Variants in NAAA observed in about 807,000 individuals in gnomAD.
NAAA encodes the protein N-acylethanolamine-hydrolyzing acid amidase.
NAAA carries 39 observed loss-of-function variants against 44.8 expected under a neutral mutation model. The ratio of observed to expected loss-of-function variants is 0.87; its 90% CI spans 0.67 to 1.14. The LOEUF (loss-of-function observed/expected upper bound fraction) is 1.14. Ranked by LOEUF, NAAA falls within the 50% of genes most tolerant of loss-of-function variation. NAAA has a pLI of 0.00. For synonymous variants in NAAA, 178 were observed against 191.3 expected, an observed-to-expected ratio of 0.93 and a Z score of 0.58; for missense variants, 460 against 467.8, an observed-to-expected ratio of 0.98 and a Z score of 0.15.
chr4:75,914,821 A>G, intron 10 of NAAA, 47 bp downstream of exon 10: 1 of 1,403,440 alleles, frequency 7.1e-7, no homozygotes, highest in Non-Finnish European at 1.0e-6. Flanking sequence ...AAGAAATACC[A>G]GCACACACCC....
Position 75,925,787 on chromosome 4 carries a change from G to A in NAAA, c.614C>T (p.Ala205Val), listed in dbSNP as rs373481408. Residue 205 changes from alanine to valine, a missense_variant, in exon 5 of 11, where the codon GCT becomes GTT. Transcript: ENST00000286733. ...ERDKGWWWEN[A>V]IAALFRRHIP... is the part of the protein sequence containing the mutation. ...GTGTCTCCGAAACAGGGCAGCGATAGCATTCTCCCACCACCAGCCTTTATC... is the reference window on the plus strand; with the variant it reads ...GTGTCTCCGAAACAGGGCAGCGATAACATTCTCCCACCACCAGCCTTTATC... 1 of 1,614,118 alleles carries A rather than the reference G, an allele frequency of 6.2e-7. No individual in the cohort carries two copies. Among genetic ancestry groups the A allele is most frequent in the Non-Finnish European group, 8.5e-7 (1 of 1,180,022 alleles).
At chr4:75,919,998 T>C in intron 7 of NAAA, 23 bp from the exon 8 acceptor site, 1 of 1,605,328 alleles carries the variant, frequency 6.2e-7, no homozygotes, top group Non-Finnish European at 8.5e-7. Flanking sequence ...AGGTCGAAGG[T>C]CACTTGGCAT....
intron 3 of NAAA, among the ~76,000 whole-genome samples, chr4:75,933,588 A>G (rs1228441288): frequency 6.6e-6 from 1 of 152,222 alleles, no homozygotes; most frequent in Non-Finnish European, 1.5e-5. Flanking sequence ...CGTAGTTTTC[A>G]ATTACGATAC....
downstream of NAAA, among the ~76,000 whole-genome samples, chr4:75,911,190 G>A (rs541001566): frequency 2.6e-5 from 4 of 152,282 alleles, no homozygotes; most frequent in South Asian, 8.3e-4. Context: ...AAATCACAAT[G>A]GTGAAATGTC....
In NAAA at chr4:75,914,925, G is replaced by A. The variant is rs1725508236; in HGVS notation, c.1059C>T (p.Ile353=). Reference sequence around the variant, plus strand: ...TGACTTACTTTCTACTCGGGTTTCTGATCCTAGTCATGTACTTGTCTGGGC... The same window carrying A: ...TGACTTACTTTCTACTCGGGTTTCTAATCCTAGTCATGTACTTGTCTGGGC... ...AGSPDKYMTR[I]RNPSRK Residue 353 remains isoleucine, a synonymous_variant, in exon 10 of 11, where the codon ATC becomes ATT. Coordinates refer to ENST00000286733, the MANE Select transcript of NAAA (RefSeq NM_014435.4). 2 of 1,613,944 alleles carry A rather than the reference G, an allele frequency of 1.2e-6. No individual in the cohort carries two copies. Among genetic ancestry groups the A allele is most frequent in the African/African-American group, 2.7e-5 (2 of 74,902 alleles).
In NAAA at chr4:75,940,109, T is replaced by C; in HGVS notation, c.263A>G (p.Glu88Gly). ...GGTGAAGGGCTGGGGCAGGAAGCGC[T>C]CCAGCTCCAGGACCACTTTTCCGAT... ...VLIGKVVLEL[E>G]RFLPQPFTGE... The change falls in exon 2 of 11, where the codon GAG becomes GGG. Residue 88 changes from glutamate to glycine, a missense_variant. Coordinates refer to ENST00000286733, the MANE Select transcript of NAAA (RefSeq NM_014435.4). 1 of 1,614,088 alleles carries C rather than the reference T, an allele frequency of 6.2e-7. No individual in the cohort carries two copies. Among genetic ancestry groups the C allele is most frequent in the Non-Finnish European group, 8.5e-7 (1 of 1,180,020 alleles).
Position 75,940,750 on chromosome 4 carries a change from AC to A in NAAA, c.199del (p.Val67SerfsTer13). 6.3e-7 allele frequency: 1 copy of A among 1,596,172 alleles called. No individual in the cohort carries two copies. Among genetic ancestry groups the A allele is most frequent in the Non-Finnish European group, 8.5e-7 (1 of 1,178,010 alleles). On this transcript the variant is annotated frameshift_variant, in exon 1 of 11. Transcript: ENST00000286733. LOFTEE classifies it high-confidence loss of function. ...GTCCAGGGCCCCAGCTCACCCGATG[AC>A]TTGCGCCATCGCGGCGCGCACCAAG... ...LDLVRAAMAQVIGDRVPKWVH... is the reference protein window; with the variant it reads ...LDLVRAAMAQXIGDRVPKWVH...
At chr4:75,926,641 G>A (rs997598693) in intron 4 of NAAA, among the ~76,000 whole-genome samples, 1 of 149,962 alleles carries the variant, frequency 6.7e-6, no homozygotes, top group South Asian at 2.1e-4. Context: ...GCATTAATAA[G>A]AGATTAATAT....
chr4:75,936,669 G>GT (rs911439891), intron 2 of NAAA, among the ~76,000 whole-genome samples: 4 of 152,192 alleles, frequency 2.6e-5, no homozygotes, highest in Non-Finnish European at 5.9e-5. Context: ...AGCAAATAAA[G>GT]TAACACTAAA....
At position 75,914,757 on chromosome 4, in the gene NAAA, C is replaced by T. The variant is rs140523767; in HGVS notation, c.*36+111G>A. ...CTGACACAAATGACAATGCCAGATG[C>T]TTGTCAGAAAATATTATATATGTAT... On this transcript the variant is annotated intron_variant, in intron 10 of 10. Coordinates refer to ENST00000286733, the MANE Select transcript of NAAA (RefSeq NM_014435.4). The T allele has an allele frequency of 6.8e-4, 441 of 650,864 alleles. 2 individuals are homozygous for T. The African/African-American group carries it at 7.1e-3, about 10-fold the overall frequency. The allele number at this position is 650,864 out of a possible 1,614,324, so 40.3% of individuals were successfully genotyped here. A position where few individuals can be genotyped will look rare whatever the true frequency, so the allele number is the denominator to read the frequency against.
At chr4:75,926,740 C>T (rs1023735355) in intron 4 of NAAA, among the ~76,000 whole-genome samples, 4 of 152,120 alleles carry the variant, frequency 2.6e-5, no homozygotes, top group East Asian at 1.9e-4. Flanking sequence ...TGTGCTGGCT[C>T]AAGCCTGTAA....
chr4:75,929,330 C>T (rs1560512305), intron 4 of NAAA, among the ~76,000 whole-genome samples: 1 of 152,068 alleles, frequency 6.6e-6, no homozygotes, highest in Admixed American at 6.6e-5. Context: ...CCATAATGTC[C>T]AGAGACTTAA....
At chr4:75,939,955 G>A (rs1261883651) in intron 2 of NAAA, 46 bp downstream of exon 2, 12 of 1,604,434 alleles carry the variant, frequency 7.5e-6, no homozygotes, top group Non-Finnish European at 8.5e-6. Context: ...TGTGTCGGGG[G>A]CCCCCGCAAG....
Position 75,940,889 on chromosome 4 carries a change from CCAG to C in NAAA, c.58_60del (p.Leu20del), listed in dbSNP as rs770997827. 853 of 1,521,746 alleles carry C rather than the reference CCAG, an allele frequency of 5.6e-4. No individual in the cohort carries two copies. Among genetic ancestry groups the C allele is most frequent in the Admixed American group, 2.5e-3 (129 of 52,404 alleles). The allele number at this position is 1,521,746 out of a possible 1,614,324, so 94.3% of individuals were successfully genotyped here. A position where few individuals can be genotyped will look rare whatever the true frequency, so the allele number is the denominator to read the frequency against. Reference sequence around the variant, plus strand: ...GAGGCGGCTGACAGCCCGGCCCCGGCCAGCAGCAGCAGCAGCAGGGACGGAAGC... The same window carrying C: ...GAGGCGGCTGACAGCCCGGCCCCGGCCAGCAGCAGCAGCAGGGACGGAAGC... On this transcript the variant is annotated inframe_deletion, in exon 1 of 11. Transcript: ENST00000286733.
At chr4:75,910,862 GC>G (rs1159682855), downstream of NAAA, among the ~76,000 whole-genome samples, 1 of 152,184 alleles carries the variant, frequency 6.6e-6, no homozygotes, top group Non-Finnish European at 1.5e-5. Flanking sequence ...GAGCAATAAA[GC>G]TTTTTAATCA....
Position 75,914,903 on chromosome 4 carries a change from C to T in NAAA, c.*1G>A, listed in dbSNP as rs1378466271. Reference sequence around the variant, plus strand: ...ACGGGCGAACTCGCTCTTCTGCTGACTTACTTTCTACTCGGGTTTCTGATC... The same window carrying T: ...ACGGGCGAACTCGCTCTTCTGCTGATTTACTTTCTACTCGGGTTTCTGATC... On this transcript the variant is annotated 3_prime_UTR_variant, in exon 10 of 11. Coordinates refer to ENST00000286733, the MANE Select transcript of NAAA (RefSeq NM_014435.4). 1.9e-6 allele frequency: 3 copies of T among 1,613,980 alleles called. No individual in the cohort carries two copies. The highest frequency in any genetic ancestry group is 2.7e-5 in the African/African-American group (2 of 74,924).
chr4:75,930,804 C>A (rs1727163054), intron 4 of NAAA, among the ~76,000 whole-genome samples: 1 of 152,184 alleles, frequency 6.6e-6, no homozygotes, highest in Non-Finnish European at 1.5e-5. Context: ...TACTCCCATG[C>A]CATAACCACA....
At chr4:75,940,251 C>A in intron 1 of NAAA, 86 bp from the exon 2 acceptor site, 1 of 1,460,194 alleles carries the variant, frequency 6.8e-7, no homozygotes, top group East Asian at 2.4e-5. Context: ...GGGCTACATC[C>A]TTAGGGCGTG....
Position 75,927,633 on chromosome 4 carries a change from GCCCCC to G in NAAA, c.590-1827_590-1823del, listed in dbSNP as rs60371960. Among the ~76,000 whole-genome samples, 376 of 95,810 alleles carry G rather than the reference GCCCCC, an allele frequency of 3.9e-3. 7 individuals are homozygous for G. The highest frequency in any genetic ancestry group is 0.011 in the African/African-American group (287 of 25,016). 62.9% of individuals were successfully genotyped at this position (95,810 alleles called of 152,430 possible). ...AAAAAATTAAAAAAAAATTTTTAAT[GCCCCC>G]CCCCCCCCCGCCAAAAAAAATAGCT... On this transcript the variant is annotated intron_variant, in intron 4 of 10. Transcript: ENST00000286733.
Sources: allele counts gnomAD v4.1 joint callset (sites outside exome capture counted in the v4.1 genomes callset), GRCh38; gene constraint gnomAD v4.1.1; transcripts MANE v1.5; gene names NCBI Gene and HGNC (gene_info 2026-07-23, HGNC 2026-07-21).